EPB41L2: variants seen among roughly 807,000 people sequenced by gnomAD.
The protein encoded by EPB41L2 is band 4.1-like protein 2.
In EPB41L2, 43 loss-of-function variants were observed where a neutral mutation model predicts 113.0. That is an observed-to-expected ratio of 0.38 (90% CI 0.30 to 0.49). EPB41L2 has a LOEUF of 0.49. EPB41L2 is among the 20% of genes least tolerant of loss of function. The probability of loss-of-function intolerance (pLI) is 0.95; values close to 1 mark genes in which losing one functional copy is unlikely to be tolerated. For missense variants in EPB41L2, 1,147 were observed against 1,223.4 expected (o/e 0.94, Z 0.93); for synonymous variants, 442 against 436.7 (o/e 1.01, Z -0.15).
chr6:130,941,249 A>C (rs1810773189), intron 3 of EPB41L2, among the ~76,000 whole-genome samples: 1 of 152,192 alleles, frequency 6.6e-6, no homozygotes, highest in Admixed American at 6.5e-5. Context: ...TTTAAAAATG[A>C]AAACCCAGGA....
At chr6:131,043,805 T>C (rs1344132283) in intron 1 of EPB41L2, among the ~76,000 whole-genome samples, 1 of 152,174 alleles carries the variant, frequency 6.6e-6, no homozygotes, top group Non-Finnish European at 1.5e-5. Context: ...TCTCATCTTT[T>C]ATAGATACGT....
chr6:130,988,864 G>A (rs1033512138), intron 1 of EPB41L2, among the ~76,000 whole-genome samples: 4 of 152,148 alleles, frequency 2.6e-5, no homozygotes, highest in Non-Finnish European at 4.4e-5. Context: ...CGAGGCAGGC[G>A]GATCACCTGA....
intron 1 of EPB41L2, among the ~76,000 whole-genome samples, chr6:131,042,170 ATTTT>A (rs201737203): frequency 2.0e-5 from 3 of 152,130 alleles, no homozygotes. Context: ...TATAAAAAGT[ATTTT>A]TTTAAAAAGA....
intron 3 of EPB41L2, among the ~76,000 whole-genome samples, chr6:130,950,570 C>G (rs1814579873): frequency 6.6e-6 from 1 of 151,994 alleles, no homozygotes; most frequent in Non-Finnish European, 1.5e-5. Context: ...CCCAAAAAGG[C>G]TACCATCCAA....
intron 18 of EPB41L2, among the ~76,000 whole-genome samples, chr6:130,861,274 G>C (rs1781939140): frequency 6.6e-6 from 1 of 151,744 alleles, no homozygotes; most frequent in African/African-American, 2.4e-5. Flanking sequence ...GGGTTTCGCT[G>C]TGTTAGCCAG....
intron 1 of EPB41L2, among the ~76,000 whole-genome samples, chr6:130,989,351 T>C (rs1041828305): frequency 6.6e-6 from 1 of 152,118 alleles, no homozygotes; most frequent in Non-Finnish European, 1.5e-5. Context: ...TAAAATAAAA[T>C]ATAAGGTTGA....
At chr6:131,052,778 G>A (rs1450715103) in intron 1 of EPB41L2, among the ~76,000 whole-genome samples, 1 of 152,104 alleles carries the variant, frequency 6.6e-6, no homozygotes, top group Non-Finnish European at 1.5e-5. Context: ...CAAGAAACAG[G>A]AGTAAGCAGA....
intron 14 of EPB41L2, chr6:130,876,838 A>G: frequency 9.4e-7 from 1 of 1,059,554 alleles, no homozygotes; most frequent in Non-Finnish European, 1.3e-6. Flanking sequence ...CTATAGCAAC[A>G]CAAACACAAA....
Position 130,878,257 on chromosome 6 carries a change from A to ATT in EPB41L2, c.1897-8_1897-7insAA, listed in dbSNP as rs1218317706. ...CCTGGGCCTTATCCAGTTCCTAGCA[A>ATT]TATGTAACGTAACAAAGGGGGGAAA... On this transcript the variant is annotated splice_polypyrimidine_tract_variant and splice_region_variant and intron_variant, in intron 13 of 19. Transcript: ENST00000337057. 1 of 1,600,118 alleles carries ATT rather than the reference A, an allele frequency of 6.2e-7. No homozygotes were observed. The highest frequency in any genetic ancestry group is 1.7e-5 in the Admixed American group (1 of 57,550).
In EPB41L2 at chr6:130,956,301, T is replaced by C; in HGVS notation, c.185A>G (p.Gln62Arg). The C allele has an allele frequency of 1.2e-6, 2 of 1,614,226 alleles. No homozygotes were observed. The highest frequency in any genetic ancestry group is 1.7e-6 in the Non-Finnish European group (2 of 1,180,036). The change falls in exon 2 of 20, where the codon CAG (glutamine) becomes CGG (arginine). Residue 62 changes from glutamine to arginine, a missense_variant. Gln to Arg is a conservative substitution (Grantham distance 43). Coordinates refer to ENST00000337057, the MANE Select transcript of EPB41L2 (RefSeq NM_001431.4). ...CTCCGATGTTTCCTTCTCTCTCTTC[T>C]GGCGGCGTAGACTACTTTGGCTTTC... The part of the protein sequence containing the change: ...AAESQSSLRR[Q>R]KREKETSESR...
chr6:130,872,931 C>T (rs926621875), intron 14 of EPB41L2, among the ~76,000 whole-genome samples: 2 of 152,114 alleles, frequency 1.3e-5, no homozygotes, highest in Non-Finnish European at 2.9e-5. Flanking sequence ...CTTGGGCAGT[C>T]CTCCCTCTCC....
At chr6:130,867,924 C>T (rs1034111926) in intron 15 of EPB41L2, 6 of 323,266 alleles carry the variant, frequency 1.9e-5, no homozygotes, top group Non-Finnish European at 3.5e-5. Flanking sequence ...TTATGTCAAG[C>T]CTAGTGTATA....
intron 1 of EPB41L2, among the ~76,000 whole-genome samples, chr6:131,001,219 G>A (rs1285661192): frequency 2.0e-5 from 3 of 152,130 alleles, no homozygotes. Context: ...AATCAGTCAC[G>A]TCTACGTCCT....
intron 1 of EPB41L2, among the ~76,000 whole-genome samples, chr6:130,961,540 T>C (rs887187331): frequency 9.9e-5 from 15 of 152,116 alleles, no homozygotes; most frequent in African/African-American, 2.2e-4. Flanking sequence ...ACTTAAAACA[T>C]TGGCCCTTAA....
chr6:130,914,245 T>C (rs1023224558), intron 4 of EPB41L2, among the ~76,000 whole-genome samples: 3 of 152,204 alleles, frequency 2.0e-5, no homozygotes, highest in Non-Finnish European at 4.4e-5. Context: ...CATTAGTAGA[T>C]CACTATTTGC....
intron 3 of EPB41L2, among the ~76,000 whole-genome samples, chr6:130,937,799 G>C (rs1342740000): frequency 7.8e-5 from 11 of 141,542 alleles, no homozygotes; most frequent in African/African-American, 2.6e-4. Context: ...CTGGGTGACA[G>C]AGTGAGACTC....
At chr6:130,865,797 T>A in intron 16 of EPB41L2, 163 bp from the exon 17 acceptor site, 1 of 654,882 alleles carries the variant, frequency 1.5e-6, no homozygotes, top group Non-Finnish European at 2.6e-6. Flanking sequence ...TGAAACCGAG[T>A]AGAGGCAAAA....
At chr6:130,869,437 G>T in intron 15 of EPB41L2, 126 bp downstream of exon 15, 1 of 902,798 alleles carries the variant, frequency 1.1e-6, no homozygotes. Flanking sequence ...TTCCTCCCAT[G>T]AGAGAGAAAA....
At chr6:130,996,205 T>C (rs1041961786) in intron 1 of EPB41L2, among the ~76,000 whole-genome samples, 1 of 152,196 alleles carries the variant, frequency 6.6e-6, no homozygotes, top group Non-Finnish European at 1.5e-5. Context: ...CCTATACCAA[T>C]TGTGTATTTA....
Sources: gnomAD v4.1 joint callset for allele counts (sites outside exome capture counted in the v4.1 genomes callset) on GRCh38, gnomAD v4.1.1 for gene constraint, MANE v1.5 for transcripts, NCBI Gene and HGNC (gene_info 2026-07-23, HGNC 2026-07-21) for gene names.